NRG3: variants seen among roughly 807,000 people sequenced by gnomAD.
NRG3 encodes pro-neuregulin-3, membrane-bound isoform.
A neutral mutation model predicts 66.9 loss-of-function variants in NRG3; 31 were observed. That is an observed-to-expected ratio of 0.46 (90% confidence interval 0.35 to 0.63). The LOEUF is 0.63. Ranked by LOEUF, NRG3 falls within the 20% of genes least tolerant of loss-of-function variation. The pLI, the probability that NRG3 is intolerant of heterozygous loss-of-function variation, is 0.00. For missense variants in NRG3, 910 were observed against 878.9 expected (o/e 1.04, Z -0.45); for synonymous variants, 393 against 359.4 (o/e 1.09, Z -1.06).
chr10:82,109,508 T>C (rs2067250842), intron 1 of NRG3, among the ~76,000 whole-genome samples: 1 of 151,630 alleles, frequency 6.6e-6, no homozygotes, highest in Admixed American at 6.6e-5. Flanking sequence ...ATTGTGTTGC[T>C]CTAGGAAACA....
At chr10:82,242,205 C>A (rs947193907) in intron 1 of NRG3, among the ~76,000 whole-genome samples, 2 of 152,098 alleles carry the variant, frequency 1.3e-5, no homozygotes, top group Non-Finnish European at 2.9e-5. Flanking sequence ...AAATGTAATC[C>A]AACTTCAATC....
intron 1 of NRG3, among the ~76,000 whole-genome samples, chr10:82,029,360 G>A (rs948455987): frequency 1.4e-4 from 22 of 152,100 alleles, no homozygotes; most frequent in African/African-American, 5.3e-4. Context: ...AAGTGAATGG[G>A]ATTAAATTAA....
intron 1 of NRG3, among the ~76,000 whole-genome samples, chr10:82,238,515 A>G (rs531041595): frequency 6.6e-6 from 1 of 152,234 alleles, no homozygotes; most frequent in African/African-American, 2.4e-5. Flanking sequence ...TTAAACATCA[A>G]AGTTCAGGTT....
intron 2 of NRG3, among the ~76,000 whole-genome samples, chr10:82,689,802 A>G (rs527625043): frequency 6.6e-6 from 1 of 152,326 alleles, no homozygotes; most frequent in Admixed American, 6.5e-5. Flanking sequence ...AAGGAGAGGA[A>G]AATCAGATAT....
chr10:82,969,871 A>G (rs1851566687), intron 6 of NRG3, among the ~76,000 whole-genome samples: 1 of 152,258 alleles, frequency 6.6e-6, no homozygotes, highest in Admixed American at 6.5e-5. Context: ...AAATCTGTAT[A>G]TATATAAACA....
At chr10:82,015,312 A>G (rs569411377) in intron 1 of NRG3, among the ~76,000 whole-genome samples, 41 of 152,338 alleles carry the variant, frequency 2.7e-4, no homozygotes, top group Middle Eastern at 6.8e-3. Flanking sequence ...ATACTTTTCT[A>G]GATTTTCCCA....
intron 2 of NRG3, among the ~76,000 whole-genome samples, chr10:82,574,917 G>A (rs1233067257): frequency 6.6e-6 from 1 of 151,716 alleles, no homozygotes; most frequent in African/African-American, 2.4e-5. Flanking sequence ...TGGTTACCAG[G>A]GGCTGAGAGG....
chr10:82,559,747 C>T (rs1372844151), intron 2 of NRG3, among the ~76,000 whole-genome samples: 1 of 152,170 alleles, frequency 6.6e-6, no homozygotes, highest in Non-Finnish European at 1.5e-5. Context: ...AAATATTGCT[C>T]TTGTCACTAA....
Position 81,941,717 on chromosome 10 carries a change from C to T in NRG3, c.823+65554C>T, listed in dbSNP as rs755783989. Among the ~76,000 whole-genome samples, 14 of 152,058 alleles carry T rather than the reference C, an allele frequency of 9.2e-5. No homozygotes were observed. The East Asian group carries it at 9.6e-4, about 10-fold the overall frequency. On this transcript the variant is annotated intron_variant, in intron 1 of 8. Transcript: ENST00000372141. ...TGTCCAGTTTATTCACAGTGTTCTC[C>T]GCAGTTCTGGGGCATTCTGGGGAAA...
intron 2 of NRG3, among the ~76,000 whole-genome samples, chr10:82,497,828 C>G (rs544169567): frequency 5.3e-5 from 8 of 152,254 alleles, no homozygotes; most frequent in African/African-American, 1.9e-4. Context: ...ACTGCTTTTT[C>G]ATAATGGCTA....
At chr10:82,472,354 C>T (rs993251725) in intron 2 of NRG3, among the ~76,000 whole-genome samples, 1 of 152,174 alleles carries the variant, frequency 6.6e-6, no homozygotes, top group East Asian at 1.9e-4. Context: ...GAGAAATGCA[C>T]TTTCTGCAAA....
chr10:82,216,015 T>C (rs1161223245), intron 1 of NRG3, among the ~76,000 whole-genome samples: 3 of 135,704 alleles, frequency 2.2e-5, no homozygotes, highest in Non-Finnish European at 3.1e-5. Flanking sequence ...TTGCCCAGGC[T>C]GGAGTGCAAT....
chr10:82,143,776 T>C (rs1052140065), intron 1 of NRG3, among the ~76,000 whole-genome samples: 1 of 152,204 alleles, frequency 6.6e-6, no homozygotes, highest in Admixed American at 6.5e-5. Context: ...ACGCCTGTTA[T>C]CCCAGCACTT....
intron 3 of NRG3, among the ~76,000 whole-genome samples, chr10:82,755,213 A>G (rs531879258): frequency 1.3e-5 from 2 of 152,236 alleles, no homozygotes; most frequent in South Asian, 2.1e-4. Flanking sequence ...GTGACCTGAA[A>G]TAGACCCTGT....
intron 2 of NRG3, among the ~76,000 whole-genome samples, chr10:82,546,342 CATAATAA>C (rs2043913802): frequency 6.6e-6 from 1 of 151,978 alleles, no homozygotes; most frequent in Non-Finnish European, 1.5e-5. Context: ...GCAAAAGTTG[CATAATAA>C]ATACCGAGAT....
intron 1 of NRG3, among the ~76,000 whole-genome samples, chr10:82,149,000 C>T (rs978643298): frequency 6.6e-6 from 1 of 151,892 alleles, no homozygotes; most frequent in South Asian, 2.1e-4. Context: ...ACTGTCTACC[C>T]GGAATCAACT....
chr10:82,427,656 G>A (rs1490059923), intron 2 of NRG3, among the ~76,000 whole-genome samples: 1 of 152,042 alleles, frequency 6.6e-6, no homozygotes, highest in African/African-American at 2.4e-5. Context: ...TTGTGTTCAT[G>A]TTTGTTTTGC....
intron 3 of NRG3, among the ~76,000 whole-genome samples, chr10:82,766,157 A>G (rs2059504401): frequency 6.6e-6 from 1 of 152,164 alleles, no homozygotes; most frequent in African/African-American, 2.4e-5. Context: ...ATTTTGATAC[A>G]TTTGTTGATA....
intron 2 of NRG3, among the ~76,000 whole-genome samples, chr10:82,522,323 G>T (rs958333655): frequency 2.0e-5 from 3 of 152,070 alleles, no homozygotes; most frequent in Admixed American, 6.5e-5. Flanking sequence ...GGGATTACAG[G>T]CATGAGCCAC....
Sources: gnomAD v4.1 joint callset for allele counts (sites outside exome capture counted in the v4.1 genomes callset) on GRCh38, gnomAD v4.1.1 for gene constraint, MANE v1.5 for transcripts, NCBI Gene and HGNC (gene_info 2026-07-23, HGNC 2026-07-21) for gene names.